Variants in B3GALT1 observed in about 807,000 individuals in gnomAD.
The protein encoded by B3GALT1 is UDP-Gal:betaGlcNAc beta 1,3-galactosyltransferase, polypeptide 1.
A neutral mutation model predicts 23.2 loss-of-function variants in B3GALT1; 10 were observed. That is an observed-to-expected ratio of 0.43 (90% CI 0.27 to 0.73). The LOEUF (loss-of-function observed/expected upper bound fraction) is 0.73, where lower values mean the gene tolerates loss of function less well. B3GALT1 is among the 30% of genes least tolerant of loss of function. The pLI is 0.21. For missense variants in B3GALT1, 299 were observed against 405.4 expected (o/e 0.74, Z 2.25); for synonymous variants, 156 against 141.5 (o/e 1.10, Z -0.73).
chr2:167,457,928 T>C (rs1490068014), intron 1 of B3GALT1, among the ~76,000 whole-genome samples: 3 of 152,182 alleles, frequency 2.0e-5, no homozygotes, highest in Admixed American at 6.5e-5. Context: ...TACACACTTA[T>C]TTGTTTCTCT....
chr2:167,559,891 ATCCAG>A (rs1683937544), intron 2 of B3GALT1, among the ~76,000 whole-genome samples: 1 of 152,240 alleles, frequency 6.6e-6, no homozygotes, highest in African/African-American at 2.4e-5. Context: ...GCAGGATGTT[ATCCAG>A]GAGAACTTCC....
At chr2:167,764,750 C>G (rs1324649516) in intron 3 of B3GALT1, among the ~76,000 whole-genome samples, 1 of 152,022 alleles carries the variant, frequency 6.6e-6, no homozygotes, top group African/African-American at 2.4e-5. Context: ...GGAAGGACTC[C>G]ACAGATTGCT....
At chr2:167,488,049 A>G (rs566062069) in intron 1 of B3GALT1, among the ~76,000 whole-genome samples, 1 of 152,324 alleles carries the variant, frequency 6.6e-6, no homozygotes, top group South Asian at 2.1e-4. Flanking sequence ...GTTAAAAAAA[A>G]GGTCTTCAAT....
intron 1 of B3GALT1, among the ~76,000 whole-genome samples, chr2:167,433,007 T>TAA (rs917929251): frequency 9.9e-5 from 15 of 152,216 alleles, no homozygotes; most frequent in African/African-American, 3.4e-4. Flanking sequence ...GACAAATGTA[T>TAA]AATGATATGT....
Position 167,487,372 on chromosome 2 carries a change from G to A in B3GALT1, c.-510-2805G>A, listed in dbSNP as rs80080461. Among the ~76,000 whole-genome samples the A allele has an allele frequency of 6.1e-3, 932 of 152,230 alleles. 8 individuals are homozygous for A. The highest frequency in any genetic ancestry group is 9.8e-3 in the Non-Finnish European group (668 of 68,010). ...TAAAGTAAGCTTCTCATTCCAAAGC[G>A]TATTTTTGAACTACCCACTGTTATT... is the stretch of plus-strand genomic sequence containing the variant. On this transcript the variant is annotated intron_variant, in intron 1 of 4. Coordinates refer to ENST00000392690, the MANE Select transcript of B3GALT1 (RefSeq NM_020981.4).
intron 3 of B3GALT1, among the ~76,000 whole-genome samples, chr2:167,812,100 G>GC (rs1348185117): frequency 6.6e-6 from 1 of 152,162 alleles, no homozygotes; most frequent in Non-Finnish European, 1.5e-5. Context: ...CAAAACAACT[G>GC]CCCCCAGATG....
intron 2 of B3GALT1, among the ~76,000 whole-genome samples, chr2:167,546,271 CAG>C (rs1198858426): frequency 1.3e-5 from 2 of 152,184 alleles, no homozygotes; most frequent in Admixed American, 6.5e-5. Flanking sequence ...TGACATAACT[CAG>C]AGAATATTGT....
chr2:167,582,356 A>G (rs1481467546), intron 2 of B3GALT1, among the ~76,000 whole-genome samples: 1 of 152,206 alleles, frequency 6.6e-6, no homozygotes, highest in Non-Finnish European at 1.5e-5. Flanking sequence ...AATAAGCGTT[A>G]TGAGACTGGC....
At chr2:167,640,323 T>A (rs1171763109) in intron 2 of B3GALT1, among the ~76,000 whole-genome samples, 2 of 152,100 alleles carry the variant, frequency 1.3e-5, no homozygotes, top group African/African-American at 4.8e-5. Flanking sequence ...GCCACCCCCA[T>A]GCAATGGAGT....
At chr2:167,301,199 A>G (rs1696440064) in intron 1 of B3GALT1, among the ~76,000 whole-genome samples, 1 of 152,266 alleles carries the variant, frequency 6.6e-6, no homozygotes, top group Non-Finnish European at 1.5e-5. Context: ...TGATGTTTAC[A>G]GAATTCTTCA....
At chr2:167,428,381 T>C (rs1698654765) in intron 1 of B3GALT1, among the ~76,000 whole-genome samples, 1 of 152,082 alleles carries the variant, frequency 6.6e-6, no homozygotes, top group South Asian at 2.1e-4. Context: ...AGAATACTGG[T>C]ATTAAGTGGA....
intron 3 of B3GALT1, among the ~76,000 whole-genome samples, chr2:167,675,074 C>T (rs1264547761): frequency 6.6e-6 from 1 of 152,150 alleles, no homozygotes; most frequent in Non-Finnish European, 1.5e-5. Context: ...CAGATGAGCC[C>T]CTGTGCACCT....
intron 3 of B3GALT1, among the ~76,000 whole-genome samples, chr2:167,785,166 A>G (rs1015416996): frequency 2.0e-5 from 3 of 152,226 alleles, no homozygotes; most frequent in African/African-American, 4.8e-5. Flanking sequence ...GAATCAAGAT[A>G]TAAATCAAGG....
intron 2 of B3GALT1, among the ~76,000 whole-genome samples, chr2:167,537,916 C>G (rs137932570): frequency 2.6e-4 from 40 of 151,820 alleles, no homozygotes; most frequent in African/African-American, 9.4e-4. Context: ...TGCCCGCCTC[C>G]CTGGCTCAGG....
chr2:167,330,071 T>C (rs754876552), intron 1 of B3GALT1, among the ~76,000 whole-genome samples: 1 of 152,142 alleles, frequency 6.6e-6, no homozygotes, highest in Non-Finnish European at 1.5e-5. Context: ...CTTGCTAGAC[T>C]TGGGAAGTTT....
At chr2:167,668,779 G>A (rs1016744199) in intron 3 of B3GALT1, among the ~76,000 whole-genome samples, 2 of 152,230 alleles carry the variant, frequency 1.3e-5, no homozygotes, top group African/African-American at 4.8e-5. Context: ...CGCTTCCCGA[G>A]TGAGGCAATG....
intron 1 of B3GALT1, among the ~76,000 whole-genome samples, chr2:167,313,721 T>C (rs1025917825): frequency 6.6e-6 from 1 of 152,132 alleles, no homozygotes; most frequent in African/African-American, 2.4e-5. Context: ...CCTATTTCTG[T>C]TAATGAGTTA....
chr2:167,744,643 G>A lies in B3GALT1; in HGVS notation c.-351-74029G>A, dbSNP rs12619882. ...TTACACTCTTGTTGCCCAGGCTGGA[G>A]TGCAGTGGCATGATCACGGCTCACT... On this transcript the variant is annotated intron_variant, in intron 3 of 4. Coordinates refer to ENST00000392690, the MANE Select transcript of B3GALT1 (RefSeq NM_020981.4). Among the ~76,000 whole-genome samples, 1,425 of 151,880 alleles carry A rather than the reference G, an allele frequency of 9.4e-3. 62 individuals carry two copies. In the East Asian group the frequency reaches 0.13, roughly 13 times the overall value.
intron 2 of B3GALT1, among the ~76,000 whole-genome samples, chr2:167,559,563 T>A (rs1205641901): frequency 6.6e-6 from 1 of 151,808 alleles, no homozygotes; most frequent in Non-Finnish European, 1.5e-5. Flanking sequence ...TTGAAAAAAA[T>A]TTAGACGAAT....
Sources: allele counts gnomAD v4.1 joint callset (sites outside exome capture counted in the v4.1 genomes callset), GRCh38; gene constraint gnomAD v4.1.1; transcripts MANE v1.5; gene names NCBI Gene and HGNC (gene_info 2026-07-23, HGNC 2026-07-21).